Variants in NTRK3 observed in about 807,000 individuals in gnomAD.
The protein encoded by NTRK3 is neurotrophic receptor tyrosine kinase 3.
Under a neutral mutation model 91.7 loss-of-function variants are expected in NTRK3, and 24 were observed. The observed-to-expected ratio is 0.26, with a 90% CI of 0.19 to 0.37. The LOEUF (loss-of-function observed/expected upper bound fraction) is 0.37, where lower values mean the gene tolerates loss of function less well. Among genes scored for constraint, NTRK3 ranks in the 10% least tolerant of loss-of-function variants. The pLI, the probability that NTRK3 is intolerant of heterozygous loss-of-function variation, is 1.00. For synonymous variants in NTRK3, 483 were observed against 404.0 expected, an observed-to-expected ratio of 1.20 and a Z score of -2.34; for missense variants, 880 against 1,068.9, an observed-to-expected ratio of 0.82 and a Z score of 2.46.
chr15:88,126,627 C>T (rs189265123), intron 12 of NTRK3, among the ~76,000 whole-genome samples: 43 of 152,298 alleles, frequency 2.8e-4, no homozygotes, highest in African/African-American at 9.9e-4. Context: ...TCACCTGGGG[C>T]CATTCTAACA....
intron 3 of NTRK3, among the ~76,000 whole-genome samples, chr15:88,250,754 G>C (rs1426554310): frequency 6.6e-6 from 1 of 152,174 alleles, no homozygotes; most frequent in Non-Finnish European, 1.5e-5. Context: ...CAAGAGCAGT[G>C]GGTACCAAGC....
chr15:88,096,910 C>A (rs1308102167), intron 13 of NTRK3, among the ~76,000 whole-genome samples: 1 of 152,238 alleles, frequency 6.6e-6, no homozygotes, highest in African/African-American at 2.4e-5. Context: ...ACCTGCACAT[C>A]AAGTCCTTAT....
intron 3 of NTRK3, among the ~76,000 whole-genome samples, chr15:88,194,454 C>T (rs1416477817): frequency 1.3e-5 from 2 of 152,252 alleles, no homozygotes; most frequent in East Asian, 3.8e-4. Flanking sequence ...GAGCTGTCTC[C>T]ATATCAATAA....
chr15:88,103,936 A>T (rs2050432648), intron 13 of NTRK3, among the ~76,000 whole-genome samples: 1 of 152,148 alleles, frequency 6.6e-6, no homozygotes, highest in Non-Finnish European at 1.5e-5. Flanking sequence ...ACAATTCTAC[A>T]CTAGAGACAT....
At chr15:88,161,401 T>A (rs1163948017) in intron 5 of NTRK3, among the ~76,000 whole-genome samples, 1 of 152,142 alleles carries the variant, frequency 6.6e-6, no homozygotes, top group Non-Finnish European at 1.5e-5. Flanking sequence ...GCTACGTTAC[T>A]AGGGCCCTGT....
intron 4 of NTRK3, 113 bp downstream of exon 4, chr15:88,184,112 G>A: frequency 9.7e-7 from 1 of 1,031,044 alleles, no homozygotes; most frequent in East Asian, 2.6e-5. Context: ...AGACCTGGGG[G>A]AGAAAGCACG....
rs142822710 is a variant in NTRK3, at chr15:88,006,256, C to T, written c.1585+26601G>A. Among the ~76,000 whole-genome samples the T allele has an allele frequency of 8.5e-5, 13 of 152,314 alleles. No individual in the cohort carries two copies. In the East Asian group the frequency reaches 2.5e-3, roughly 29 times the overall value. The stretch of plus-strand genomic sequence containing the variant: ...GCTTTTCTCTCCTTCTCTTCCACCC[C>T]CACCGTAAGAGTGTTCCTCGGGAAA... On this transcript the variant is annotated intron_variant, in intron 14 of 18. Transcript: ENST00000394480.
In NTRK3 at chr15:88,231,195, C is replaced by T. The variant is rs1598080892; in HGVS notation, c.248+24711G>A. On this transcript the variant is annotated intron_variant, in intron 3 of 18. Coordinates refer to ENST00000394480, the Ensembl canonical transcript of NTRK3. ...AAAGGCAGCATTGTTCCCCTTCTCACCCAAGTTCTGGGCATTTTATTCCAC... is the reference window on the plus strand; with the variant it reads ...AAAGGCAGCATTGTTCCCCTTCTCATCCAAGTTCTGGGCATTTTATTCCAC... 2.6e-5 allele frequency among the ~76,000 whole-genome samples: 4 copies of T among 152,292 alleles called. No homozygotes were observed. The Middle Eastern group carries it at 0.014, about 518-fold the overall frequency.
At position 88,016,578 on chromosome 15, in the gene NTRK3, C is replaced by A. The variant is rs183044613; in HGVS notation, c.1585+16279G>T. 9.8e-3 allele frequency among the ~76,000 whole-genome samples: 1,491 copies of A among 152,324 alleles called. 14 individuals carry two copies. The highest frequency in any genetic ancestry group is 0.016 in the Non-Finnish European group (1,057 of 68,012). ...CTCCAGCTGGGCACAGCAGGGCACACCCCCTCCCAGGGGCCTCTCATTCAA... is the reference window on the plus strand; with the variant it reads ...CTCCAGCTGGGCACAGCAGGGCACAACCCCTCCCAGGGGCCTCTCATTCAA... On this transcript the variant is annotated intron_variant, in intron 14 of 18. Transcript: ENST00000394480.
exon 17 of NTRK3, chr15:87,929,401 A>G (rs772577004): frequency 6.8e-6 from 11 of 1,614,106 alleles, no homozygotes; most frequent in Non-Finnish European, 9.3e-6. Context: ...GTGGCTGTCC[A>G]TCCACAAGGA....
Position 88,139,730 on chromosome 15 carries a change from T to C in NTRK3, c.465-2169A>G, listed in dbSNP as rs543081744. ...TGATGTTTGGAGGGGTTAAGTCACA[T>C]GTGCAAGGTCTTTGGCTGGTGTGCA... On this transcript the variant is annotated intron_variant, in intron 6 of 18. Coordinates refer to ENST00000394480, the Ensembl canonical transcript of NTRK3. 2.6e-5 allele frequency among the ~76,000 whole-genome samples: 4 copies of C among 152,250 alleles called. No individual in the cohort carries two copies. In the South Asian group the frequency reaches 8.3e-4, roughly 32 times the overall value.
intron 15 of NTRK3, among the ~76,000 whole-genome samples, chr15:87,937,644 A>C (rs2069421338): frequency 6.6e-6 from 1 of 152,198 alleles, no homozygotes; most frequent in South Asian, 2.1e-4. Context: ...ATCAAAAATC[A>C]GGACATAAAT....
At chr15:87,876,760 T>G (rs182178380) in exon 19 of NTRK3, 33 of 566,024 alleles carry the variant, frequency 5.8e-5, no homozygotes, top group Non-Finnish European at 7.4e-5. Flanking sequence ...CCTTACAGGG[T>G]TTTTTTTTCT....
At position 88,002,168 on chromosome 15, in the gene NTRK3, G is replaced by GTTTTTTTTTT. The variant is rs770668339; in HGVS notation, c.1585+30679_1585+30688dup. Reference sequence around the variant, plus strand: ...TTTCTCTCTCTGAAGGATAGTGGTTGTTTTTTTTTTTTTTTTTTTTTTTTT... The same window carrying GTTTTTTTTTT: ...TTTCTCTCTCTGAAGGATAGTGGTTGTTTTTTTTTTTTTTTTTTTTTTTTTTTTTTTTTTT... On this transcript the variant is annotated intron_variant, in intron 14 of 18. Transcript: ENST00000394480. Among the ~76,000 whole-genome samples the GTTTTTTTTTT allele has an allele frequency of 2.8e-3, 194 of 70,176 alleles. 15 individuals carry two copies. Among genetic ancestry groups the GTTTTTTTTTT allele is most frequent in the African/African-American group, 0.011 (190 of 17,280 alleles). The allele number at this position is 70,176 out of a possible 152,430, so 46.0% of individuals were successfully genotyped here.
chr15:88,102,018 T>A (rs1490693454), intron 13 of NTRK3, among the ~76,000 whole-genome samples: 4 of 151,670 alleles, frequency 2.6e-5, no homozygotes, highest in Non-Finnish European at 4.4e-5. Context: ...AGTATAATAA[T>A]AATAAAATAA....
At chr15:88,171,725 G>A (rs2045536588) in intron 5 of NTRK3, among the ~76,000 whole-genome samples, 1 of 152,244 alleles carries the variant, frequency 6.6e-6, no homozygotes, top group African/African-American at 2.4e-5. Context: ...AATGCAAAGT[G>A]AAAGAGTTGG....
At chr15:88,053,173 T>C (rs748117588) in intron 13 of NTRK3, among the ~76,000 whole-genome samples, 7 of 152,110 alleles carry the variant, frequency 4.6e-5, no homozygotes, top group Non-Finnish European at 7.4e-5. Flanking sequence ...CCAATAAATA[T>C]ATGTCATTTG....
rs565246867 is a variant in NTRK3 at position 88,247,760 on chromosome 15, C to T, written c.248+8146G>A. Among the ~76,000 whole-genome samples the T allele has an allele frequency of 2.0e-5, 3 of 152,170 alleles. No individual in the cohort carries two copies. The South Asian group carries it at 6.2e-4, about 32-fold the overall frequency. The stretch of plus-strand genomic sequence containing the variant: ...CTGCCCCACAGTTTCGGCTGTTTCA[C>T]AGAAGAAAGTTGTATCTGTCTCCCA... On this transcript the variant is annotated intron_variant, in intron 3 of 18. Transcript: ENST00000394480.
At chr15:88,223,975 T>C (rs961097716) in intron 3 of NTRK3, among the ~76,000 whole-genome samples, 1 of 152,122 alleles carries the variant, frequency 6.6e-6, no homozygotes, top group Admixed American at 6.5e-5. Context: ...GTTGCAGAGT[T>C]AACAGGACAC....
Sources: allele counts gnomAD v4.1 joint callset (sites outside exome capture counted in the v4.1 genomes callset), GRCh38; gene constraint gnomAD v4.1.1; transcripts MANE v1.5; gene names NCBI Gene and HGNC (gene_info 2026-07-23, HGNC 2026-07-21).